The following PEX14 variants were observed in gnomAD, a reference collection of about 807,000 sequenced individuals.
PEX14 encodes peroxisomal biogenesis factor 14.
Under a neutral mutation model 49.5 loss-of-function variants are expected in PEX14, and 15 were observed. The ratio of observed to expected loss-of-function variants is 0.30; its 90% CI spans 0.20 to 0.47. The LOEUF (loss-of-function observed/expected upper bound fraction) is 0.47, where lower values mean the gene tolerates loss of function less well. Ranked by LOEUF, PEX14 falls within the 20% of genes least tolerant of loss-of-function variation. The pLI is 1.00. For missense variants in PEX14, 398 were observed against 494.8 expected (o/e 0.80, Z 1.86); for synonymous variants, 210 against 212.7 (o/e 0.99, Z 0.11).
intron 3 of PEX14, among the ~76,000 whole-genome samples, chr1:10,545,227 C>G (rs1362137819): frequency 6.6e-6 from 1 of 152,090 alleles, no homozygotes; most frequent in African/African-American, 2.4e-5. Flanking sequence ...CATTATATGG[C>G]TATACTACCT....
intron 3 of PEX14, among the ~76,000 whole-genome samples, chr1:10,551,796 A>G (rs1639341007): frequency 6.6e-6 from 1 of 152,174 alleles, no homozygotes; most frequent in South Asian, 2.1e-4. Flanking sequence ...ATGTTAGCCT[A>G]ACAAAAATAC....
At chr1:10,577,476 A>G (rs1640154125) in intron 3 of PEX14, among the ~76,000 whole-genome samples, 1 of 129,240 alleles carries the variant, frequency 7.7e-6, no homozygotes. Context: ...AGTAGCTTGT[A>G]TTAGAATAAT....
At chr1:10,567,981 T>C (rs1639856037) in intron 3 of PEX14, among the ~76,000 whole-genome samples, 1 of 152,224 alleles carries the variant, frequency 6.6e-6, no homozygotes, top group Non-Finnish European at 1.5e-5. Flanking sequence ...TCATTATGTC[T>C]TTCAGCCAGT....
In PEX14 at chr1:10,628,110, A is replaced by T. The variant is rs1166856309; in HGVS notation, c.677+747A>T. Among the ~76,000 whole-genome samples the T allele has an allele frequency of 6.6e-6, 1 of 151,782 alleles. No individual in the cohort carries two copies. The highest frequency in any genetic ancestry group is 1.5e-5 in the Non-Finnish European group (1 of 67,970). On this transcript the variant is annotated intron_variant, in intron 8 of 8. Transcript: ENST00000356607. The surrounding 1 kb of genome is among the most constrained non-coding windows in gnomAD (Gnocchi z 4.5). ...GCCACCACTCCCGGCTAATTTTTGT[A>T]TTTTTAGTAGAGGTGGGATTTTGCT... is the stretch of plus-strand genomic sequence containing the variant.
At chr1:10,558,165 A>G (rs969674622) in intron 3 of PEX14, among the ~76,000 whole-genome samples, 2 of 152,048 alleles carry the variant, frequency 1.3e-5, no homozygotes, top group Non-Finnish European at 2.9e-5. Context: ...TTTTGTACAA[A>G]AATATAAAAA....
At chr1:10,522,698 A>G (rs1638340352) in intron 2 of PEX14, among the ~76,000 whole-genome samples, 1 of 152,172 alleles carries the variant, frequency 6.6e-6, no homozygotes, top group Non-Finnish European at 1.5e-5. Flanking sequence ...TTAATCTAAC[A>G]TGAATCAAAG....
At chr1:10,477,257 A>G (rs189251331) in intron 1 of PEX14, among the ~76,000 whole-genome samples, 2 of 151,902 alleles carry the variant, frequency 1.3e-5, no homozygotes, top group East Asian at 3.9e-4. Flanking sequence ...TTTTTAGTAG[A>G]GATGGGGTTT....
intron 4 of PEX14, among the ~76,000 whole-genome samples, chr1:10,601,144 C>A (rs933603972): frequency 2.6e-5 from 4 of 151,870 alleles, no homozygotes; most frequent in Admixed American, 2.6e-4. Flanking sequence ...TGCTTGTAAT[C>A]CCAGCTACTC....
intron 2 of PEX14, among the ~76,000 whole-genome samples, chr1:10,525,630 AT>A (rs905408897): frequency 1.3e-5 from 2 of 151,340 alleles, no homozygotes; most frequent in Non-Finnish European, 2.9e-5. Flanking sequence ...CAATTTGAAG[AT>A]TTTTTTTTCT....
At chr1:10,607,189 C>T (rs867582235) in intron 4 of PEX14, among the ~76,000 whole-genome samples, 6 of 151,912 alleles carry the variant, frequency 3.9e-5, no homozygotes, top group South Asian at 2.1e-4. Flanking sequence ...GTAGTGTTGC[C>T]GAGATTCACC....
chr1:10,542,118 A>C (rs1484104923), intron 3 of PEX14, among the ~76,000 whole-genome samples: 1 of 152,198 alleles, frequency 6.6e-6, no homozygotes. Flanking sequence ...AAGGTAAGGC[A>C]TATACATGGT....
chr1:10,583,730 G>A (rs866258421), intron 3 of PEX14, among the ~76,000 whole-genome samples: 1 of 152,196 alleles, frequency 6.6e-6, no homozygotes. Flanking sequence ...GGTTTGGAAA[G>A]GCCCCTCTAA....
At chr1:10,535,334 G>A (rs910006787) in intron 2 of PEX14, among the ~76,000 whole-genome samples, 2 of 152,214 alleles carry the variant, frequency 1.3e-5, no homozygotes, top group Non-Finnish European at 2.9e-5. Flanking sequence ...CCCCTGCCCG[G>A]CTTATGTGGA....
chr1:10,502,667 A>G (rs1641702106), intron 2 of PEX14, among the ~76,000 whole-genome samples: 1 of 152,098 alleles, frequency 6.6e-6, no homozygotes, highest in Admixed American at 6.5e-5. Context: ...TGTTCCTGTA[A>G]TCAGAGGCCC....
At chr1:10,478,986 C>T (rs1641239899) in intron 1 of PEX14, among the ~76,000 whole-genome samples, 3 of 151,858 alleles carry the variant, frequency 2.0e-5, no homozygotes, top group African/African-American at 4.8e-5. Context: ...CTCCTGACCT[C>T]GTGATCCGCC....
intron 3 of PEX14, among the ~76,000 whole-genome samples, chr1:10,567,924 C>G (rs902262550): frequency 6.6e-6 from 1 of 152,202 alleles, no homozygotes; most frequent in Non-Finnish European, 1.5e-5. Context: ...GCCACTGCAC[C>G]CAGCCATGTA....
At chr1:10,523,847 A>AT (rs1491151611) in intron 2 of PEX14, among the ~76,000 whole-genome samples, 1 of 130,902 alleles carries the variant, frequency 7.6e-6, no homozygotes, top group African/African-American at 2.6e-5. Context: ...AAAAAAAAAA[A>AT]TCCAAGAGAG....
chr1:10,484,808 G>A (rs989540045), intron 1 of PEX14, among the ~76,000 whole-genome samples: 5 of 151,686 alleles, frequency 3.3e-5, no homozygotes, highest in Non-Finnish European at 7.3e-5. Flanking sequence ...AGACTTTAGT[G>A]TGTTACTGTC....
chr1:10,475,072 G>C, intron 1 of PEX14, 70 bp downstream of exon 1: 8 of 1,463,650 alleles, frequency 5.5e-6, no homozygotes, highest in Non-Finnish European at 7.5e-6. Context: ...GCATACGGCT[G>C]GGAGCCGGGT....
Sources: allele counts gnomAD v4.1 joint callset (sites outside exome capture counted in the v4.1 genomes callset), GRCh38; gene constraint gnomAD v4.1.1; non-coding constraint Gnocchi (gnomAD v3.1); transcripts MANE v1.5; gene names NCBI Gene and HGNC (gene_info 2026-07-23, HGNC 2026-07-21).